Variants in C2orf92 observed in about 807,000 individuals in gnomAD.
C2orf92 encodes chromosome 2 open reading frame 92.
chr2:97,671,226 C>T (rs1675401079), intron 1 of C2orf92: 1 of 358,836 alleles, frequency 2.8e-6, no homozygotes, highest in South Asian at 1.5e-4. Context: ...CCAGGCTGGT[C>T]ATGAACTCCT....
At chr2:97,671,377 C>T in intron 1 of C2orf92, 2 of 396,564 alleles carry the variant, frequency 5.0e-6, no homozygotes, top group East Asian at 3.6e-5. Context: ...GAACTCCTGA[C>T]CTCAAGTGAT....
intron 3 of C2orf92, among the ~76,000 whole-genome samples, chr2:97,681,830 C>G (rs1262756813): frequency 6.6e-6 from 1 of 151,780 alleles, no homozygotes; most frequent in African/African-American, 2.4e-5. Context: ...TGCACTCCAG[C>G]CTGGCAACAG....
intron 5 of C2orf92, among the ~76,000 whole-genome samples, chr2:97,696,309 G>A (rs1390802335): frequency 3.3e-5 from 5 of 152,144 alleles, no homozygotes; most frequent in African/African-American, 7.2e-5. Context: ...CAAAGCTCAC[G>A]TCTGCCAGCT....
intron 1 of C2orf92, chr2:97,670,066 C>A: frequency 2.6e-6 from 1 of 377,720 alleles, no homozygotes; most frequent in Non-Finnish European, 4.7e-6. Context: ...AGGAGGGTGG[C>A]ATACATGCGT....
In C2orf92 at chr2:97,702,694, A is replaced by G. The variant is rs753172348; in HGVS notation, c.691A>G (p.Asn231Asp). Residue 231 changes from asparagine to aspartate, a missense_variant, in exon 8 of 8, where the codon AAT becomes GAT. Asn to Asp is a conservative substitution (Grantham distance 23). Coordinates refer to ENST00000627399, the MANE Select transcript of C2orf92 (RefSeq NM_001351368.2). ...ATCTCCTCTGGCAAACACGACATAT[A>G]ATATTTTTATAATGGATGGAAAGAC... ...PSSPLANTTY[N>D]IFIMDGKTWW... The G allele has an allele frequency of 8.0e-5, 32 of 398,896 alleles. No homozygotes were observed. Among genetic ancestry groups the G allele is most frequent in the Non-Finnish European group, 1.3e-4 (30 of 226,074 alleles). 24.7% of individuals were successfully genotyped at this position (398,896 alleles called of 1,614,324 possible).
intron 5 of C2orf92, among the ~76,000 whole-genome samples, chr2:97,691,437 G>A (rs1676133674): frequency 6.6e-6 from 1 of 152,190 alleles, no homozygotes; most frequent in South Asian, 2.1e-4. Flanking sequence ...GTGGGAAAGC[G>A]CTGCCTCCAG....
At chr2:97,693,666 T>G (rs1470619737) in intron 5 of C2orf92, among the ~76,000 whole-genome samples, 3 of 152,192 alleles carry the variant, frequency 2.0e-5, no homozygotes, top group Non-Finnish European at 4.4e-5. Context: ...GAGAGTCCAG[T>G]CACTGCTCAG....
chr2:97,681,856 CA>C (rs535231607), intron 3 of C2orf92, among the ~76,000 whole-genome samples: 33 of 133,414 alleles, frequency 2.5e-4, no homozygotes, highest in South Asian at 5.2e-4. Flanking sequence ...GACTCTGTCT[CA>C]AAAAAAAAAG....
intron 5 of C2orf92, chr2:97,697,316 C>T (rs551006201): frequency 6.6e-6 from 1 of 152,270 alleles, no homozygotes; most frequent in South Asian, 2.1e-4. Flanking sequence ...CTTCAAAGAA[C>T]CTTAGGTAAA....
intron 1 of C2orf92, chr2:97,671,723 G>T (rs999073370): frequency 1.1e-5 from 4 of 371,548 alleles, no homozygotes; most frequent in Non-Finnish European, 1.9e-5. Context: ...GCAGAGCAGG[G>T]CCATGTGGGA....
intron 6 of C2orf92, among the ~76,000 whole-genome samples, chr2:97,700,769 G>C (rs952798818): frequency 3.3e-5 from 5 of 151,558 alleles, no homozygotes; most frequent in African/African-American, 1.2e-4. Flanking sequence ...TTTTGCCCAG[G>C]CTGGAGTGCA....
chr2:97,686,731 T>C (rs1259700627), intron 3 of C2orf92, among the ~76,000 whole-genome samples: 1 of 151,864 alleles, frequency 6.6e-6, no homozygotes, highest in Non-Finnish European at 1.5e-5. Flanking sequence ...TTTCAGTTGA[T>C]TTAAAAGTTC....
chr2:97,681,486 G>A (rs1675772906), intron 3 of C2orf92, among the ~76,000 whole-genome samples: 2 of 152,166 alleles, frequency 1.3e-5, no homozygotes, highest in Admixed American at 6.6e-5. Context: ...ACTGCCTTGA[G>A]ATAAGTGCAA....
At chr2:97,700,925 G>T (rs897743649) in intron 6 of C2orf92, among the ~76,000 whole-genome samples, 2 of 151,836 alleles carry the variant, frequency 1.3e-5, no homozygotes, top group Admixed American at 6.6e-5. Flanking sequence ...TAGAGACGGG[G>T]TTTCACCGTC....
At chr2:97,681,135 A>T (rs2104560454) in intron 3 of C2orf92, among the ~76,000 whole-genome samples, 1 of 97,724 alleles carries the variant, frequency 1.0e-5, no homozygotes, top group Middle Eastern at 4.3e-3. Context: ...AAAAAAAAAG[A>T]ATTGTACAGA....
chr2:97,664,269 G>A (rs1002564841), exon 1 of C2orf92: 2 of 153,750 alleles, frequency 1.3e-5, no homozygotes, highest in East Asian at 1.9e-4. Flanking sequence ...GTGGAGCTGG[G>A]CTGGTGTGCG....
At chr2:97,681,935 G>A (rs146783311) in intron 3 of C2orf92, among the ~76,000 whole-genome samples, 1 of 152,044 alleles carries the variant, frequency 6.6e-6, no homozygotes, top group East Asian at 1.9e-4. Context: ...AGCATATTAA[G>A]TTGAAAGCTA....
intron 6 of C2orf92, among the ~76,000 whole-genome samples, chr2:97,700,579 C>T (rs1676459824): frequency 6.6e-6 from 1 of 152,098 alleles, no homozygotes; most frequent in Admixed American, 6.6e-5. Flanking sequence ...TGCATGCCAG[C>T]CCGTATCCTC....
chr2:97,669,512 T>A, upstream of C2orf92: 1 of 329,910 alleles, frequency 3.0e-6, no homozygotes, highest in South Asian at 1.5e-4. Context: ...CTGGTTAATA[T>A]CCTGTTGCCC....
Sources: gnomAD v4.1 joint callset for allele counts (sites outside exome capture counted in the v4.1 genomes callset) on GRCh38, gnomAD v4.1.1 for gene constraint, MANE v1.5 for transcripts, NCBI Gene and HGNC (gene_info 2026-07-23, HGNC 2026-07-21) for gene names.